PCBD2: variants seen among roughly 807,000 people sequenced by gnomAD.
The protein encoded by PCBD2 is pterin-4-alpha-carbinolamine dehydratase 2.
Under a neutral mutation model 16.4 loss-of-function variants are expected in PCBD2, and 12 were observed. The ratio of observed to expected loss-of-function variants is 0.73; its 90% CI spans 0.47 to 1.19. The LOEUF (loss-of-function observed/expected upper bound fraction) is 1.19, where lower values mean the gene tolerates loss of function less well. PCBD2 is among the 50% of genes most tolerant of loss of function. The pLI is 0.00. For synonymous variants in PCBD2, 58 were observed against 61.8 expected (o/e 0.94, Z 0.29); for missense variants, 138 against 156.8 (o/e 0.88, Z 0.64).
At chr5:134,939,432 T>C (rs1476359145) in intron 2 of PCBD2, among the ~76,000 whole-genome samples, 2 of 152,032 alleles carry the variant, frequency 1.3e-5, no homozygotes, top group Non-Finnish European at 2.9e-5. Context: ...TGCTGGGCCA[T>C]AGGAGGAATC....
chr5:134,907,853 C>T (rs895727678), intron 1 of PCBD2, among the ~76,000 whole-genome samples: 1 of 150,274 alleles, frequency 6.7e-6, no homozygotes. Flanking sequence ...TGAACTCCTG[C>T]CCTCGTGATC....
At chr5:134,953,336 T>C (rs1751379603) in intron 2 of PCBD2, among the ~76,000 whole-genome samples, 1 of 149,884 alleles carries the variant, frequency 6.7e-6, no homozygotes, top group African/African-American at 2.4e-5. Flanking sequence ...TAACTATATA[T>C]AGGTATATAA....
intron 2 of PCBD2, among the ~76,000 whole-genome samples, chr5:134,940,520 A>C (rs1314383811): frequency 6.6e-6 from 1 of 152,148 alleles, no homozygotes; most frequent in Non-Finnish European, 1.5e-5. Context: ...CCAGGGTAGG[A>C]ATGGCTCTTA....
chr5:134,926,009 A>G, intron 2 of PCBD2: 1 of 382,558 alleles, frequency 2.6e-6, no homozygotes. Context: ...AGTAAAAAGG[A>G]TATAATTCCT....
intron 1 of PCBD2, among the ~76,000 whole-genome samples, chr5:134,905,939 C>T (rs936403964): frequency 1.3e-5 from 2 of 152,164 alleles, no homozygotes; most frequent in African/African-American, 4.8e-5. Flanking sequence ...GTGGCGCGAT[C>T]TCGGCTCACT....
At chr5:134,921,071 T>A (rs1750897974) in intron 2 of PCBD2, among the ~76,000 whole-genome samples, 1 of 152,242 alleles carries the variant, frequency 6.6e-6, no homozygotes, top group Non-Finnish European at 1.5e-5. Context: ...CCAGGCTGGC[T>A]GGGCCAGGAG....
intron 2 of PCBD2, among the ~76,000 whole-genome samples, chr5:134,922,112 C>G (rs1267989790): frequency 6.6e-6 from 1 of 152,250 alleles, no homozygotes; most frequent in Non-Finnish European, 1.5e-5. Flanking sequence ...AAGGCTCAGA[C>G]AGGGTGAGTA....
At chr5:134,945,113 A>G (rs561059357) in intron 2 of PCBD2, among the ~76,000 whole-genome samples, 2 of 152,368 alleles carry the variant, frequency 1.3e-5, no homozygotes, top group South Asian at 4.1e-4. Flanking sequence ...TGCATAAGGT[A>G]TGAAATAATA....
At chr5:134,907,356 G>A (rs550743841) in intron 1 of PCBD2, among the ~76,000 whole-genome samples, 1 of 152,146 alleles carries the variant, frequency 6.6e-6, no homozygotes, top group East Asian at 1.9e-4. Context: ...CGATTCTCCT[G>A]CCTCAGCCTC....
chr5:134,907,914 GC>G (rs1750716713), intron 1 of PCBD2, among the ~76,000 whole-genome samples: 1 of 144,320 alleles, frequency 6.9e-6, no homozygotes, highest in Non-Finnish European at 1.5e-5. Flanking sequence ...GAGCCACCAC[GC>G]CCGGACTTTT....
At chr5:134,957,309 G>A (rs1638919279) in intron 2 of PCBD2, among the ~76,000 whole-genome samples, 1 of 152,082 alleles carries the variant, frequency 6.6e-6, no homozygotes, top group Admixed American at 6.6e-5. Context: ...TGATAATTAA[G>A]TGATAGAATC....
At chr5:134,905,605 A>G (rs950530558) in intron 1 of PCBD2, 4 of 185,118 alleles carry the variant, frequency 2.2e-5, no homozygotes, top group Non-Finnish European at 4.4e-5. Context: ...CTGGCTCCCT[A>G]TGGCGGCTCC....
Position 134,924,408 on chromosome 5 carries a change from T to C in PCBD2, c.216+13942T>C, listed in dbSNP as rs553350251. On this transcript the variant is annotated intron_variant, in intron 2 of 3. Transcript: ENST00000254908. ...GGTCTTGGTAAGTGTTTTAGTGGGG[T>C]TGGTGATGGAAGTAGGATTAGTGTT... The C allele has an allele frequency of 1.3e-5, 5 of 396,296 alleles. No individual in the cohort carries two copies. The South Asian group carries it at 3.9e-4, about 31-fold the overall frequency. 24.5% of individuals were successfully genotyped at this position (396,296 alleles called of 1,614,324 possible).
intron 2 of PCBD2, chr5:134,925,733 CAG>C (rs1284606819): frequency 2.5e-5 from 10 of 396,390 alleles, no homozygotes; most frequent in South Asian, 1.3e-4. Context: ...AGGGCTGAGA[CAG>C]GGGTGGGGCC....
chr5:134,906,883 C>A (rs543482434), intron 1 of PCBD2, among the ~76,000 whole-genome samples: 3 of 152,216 alleles, frequency 2.0e-5, no homozygotes, highest in Admixed American at 6.5e-5. Context: ...CTAGCCTACC[C>A]CCCATCCCCT....
At chr5:134,929,427 G>A (rs1319995434) in intron 2 of PCBD2, among the ~76,000 whole-genome samples, 2 of 152,004 alleles carry the variant, frequency 1.3e-5, no homozygotes, top group African/African-American at 4.8e-5. Context: ...TTCAAAAGGA[G>A]GGAAGTATGA....
chr5:134,911,817 G>T (rs6861231), intron 2 of PCBD2, among the ~76,000 whole-genome samples: 1,562 of 152,324 alleles, frequency 0.01, 25 homozygotes, highest in African/African-American at 0.036. Context: ...TGTCCCCGCT[G>T]CCCCACGTGC....
intron 3 of PCBD2, among the ~76,000 whole-genome samples, chr5:134,959,749 G>A (rs551400928): frequency 1.3e-4 from 20 of 152,200 alleles, no homozygotes; most frequent in Non-Finnish European, 2.6e-4. Context: ...ATAACTCAGA[G>A]CACCTTGGTA....
At chr5:134,925,237 G>A in intron 2 of PCBD2, 1 of 398,518 alleles carries the variant, frequency 2.5e-6, no homozygotes, top group Non-Finnish European at 4.4e-6. Flanking sequence ...AATAGACAGG[G>A]CTCAGGCGTT....
Sources: gnomAD v4.1 joint callset for allele counts (sites outside exome capture counted in the v4.1 genomes callset) on GRCh38, gnomAD v4.1.1 for gene constraint, MANE v1.5 for transcripts, NCBI Gene and HGNC (gene_info 2026-07-23, HGNC 2026-07-21) for gene names.